The following MPPED1 variants were observed in gnomAD, a reference collection of about 807,000 sequenced individuals.
MPPED1 encodes the protein metallophosphoesterase domain-containing protein 1.
A neutral mutation model predicts 36.2 loss-of-function variants in MPPED1; 16 were observed. That is an observed-to-expected ratio of 0.44 (90% confidence interval 0.30 to 0.67). The LOEUF (loss-of-function observed/expected upper bound fraction) is 0.67. Ranked by LOEUF, MPPED1 falls within the 30% of genes least tolerant of loss-of-function variation. The pLI, the probability that MPPED1 is intolerant of heterozygous loss-of-function variation, is 0.10. For missense variants in MPPED1, 307 were observed against 453.4 expected, an observed-to-expected ratio of 0.68 and a Z score of 2.93; for synonymous variants, 199 against 191.3, an observed-to-expected ratio of 1.04 and a Z score of -0.33.
In MPPED1 at chr22:43,427,415, C is replaced by G. The variant is rs6003196; in HGVS notation, c.224+2206C>G. Among the ~76,000 whole-genome samples the G allele has an allele frequency of 5.9e-3, 892 of 152,010 alleles. 10 individuals carry two copies. The highest frequency in any genetic ancestry group is 0.021 in the African/African-American group (861 of 41,452). Reference sequence around the variant, plus strand: ...TGGGCCAGCAGAAGGGGCGGCAGGTCGGAGCCTGCAGGTGGCTAGAAGACA... The same window carrying G: ...TGGGCCAGCAGAAGGGGCGGCAGGTGGGAGCCTGCAGGTGGCTAGAAGACA... On this transcript the variant is annotated intron_variant, in intron 2 of 6. Coordinates refer to ENST00000443721, the MANE Select transcript of MPPED1 (RefSeq NM_001044370.2).
intron 1 of MPPED1, chr22:43,418,371 G>C (rs532430545): frequency 5.8e-6 from 2 of 346,820 alleles, no homozygotes; most frequent in African/African-American, 2.2e-5. Flanking sequence ...TCCTCTGGTA[G>C]TGCAATCCTC....
intron 2 of MPPED1, among the ~76,000 whole-genome samples, chr22:43,433,631 G>T (rs949459479): frequency 6.6e-6 from 1 of 152,222 alleles, no homozygotes; most frequent in Admixed American, 6.5e-5. Context: ...GCGGCATCGT[G>T]GTGGGGAGAG....
At chr22:43,443,679 C>G (rs1048254356) in intron 3 of MPPED1, among the ~76,000 whole-genome samples, 2 of 151,766 alleles carry the variant, frequency 1.3e-5, no homozygotes, top group Admixed American at 1.3e-4. Flanking sequence ...AAAAAAAAGT[C>G]CAACCAACTT....
chr22:43,433,067 G>A (rs1013861265), intron 2 of MPPED1, among the ~76,000 whole-genome samples: 3 of 151,736 alleles, frequency 2.0e-5, no homozygotes, highest in African/African-American at 4.8e-5. Flanking sequence ...GCTGTGTGTG[G>A]GGGGGCGGCA....
intron 6 of MPPED1, among the ~76,000 whole-genome samples, chr22:43,503,172 A>G (rs1213555726): frequency 1.3e-5 from 2 of 152,184 alleles, no homozygotes; most frequent in Non-Finnish European, 2.9e-5. Flanking sequence ...AGGGCCTGGC[A>G]TACAATAGGT....
intron 2 of MPPED1, among the ~76,000 whole-genome samples, chr22:43,431,511 T>C (rs1368307961): frequency 1.3e-5 from 2 of 152,132 alleles, no homozygotes; most frequent in Non-Finnish European, 2.9e-5. Context: ...GTCCATAGGT[T>C]GATTGAATGA....
chr22:43,427,969 G>A (rs1169233088), intron 2 of MPPED1, among the ~76,000 whole-genome samples: 11 of 152,166 alleles, frequency 7.2e-5, no homozygotes, highest in Admixed American at 7.2e-4. Flanking sequence ...GTAATGCTGG[G>A]GATGAAATAG....
chr22:43,444,466 A>G lies in MPPED1; in HGVS notation c.406+9251A>G, dbSNP rs1412365507. Among the ~76,000 whole-genome samples the G allele has an allele frequency of 1.0e-4, 15 of 150,166 alleles. No homozygotes were observed. In the Admixed American group the frequency reaches 1.0e-3, roughly 10 times the overall value. ...ACTGCAACCTCCCCCTCCCGGGTTC[A>G]AATGATTCTCCTGCCTCAGCCTCCC... On this transcript the variant is annotated intron_variant, in intron 3 of 6. Transcript: ENST00000443721.
At chr22:43,473,792 C>T (rs975918813) in intron 3 of MPPED1, among the ~76,000 whole-genome samples, 1 of 152,138 alleles carries the variant, frequency 6.6e-6, no homozygotes, top group African/African-American at 2.4e-5. Context: ...TGGGTGAGGC[C>T]TGCCGGGCAG....
At chr22:43,487,581 G>C (rs1348471041) in intron 4 of MPPED1, among the ~76,000 whole-genome samples, 1 of 152,186 alleles carries the variant, frequency 6.6e-6, no homozygotes, top group East Asian at 1.9e-4. Context: ...AGGGGTGCAG[G>C]CCTCTTCCCC....
chr22:43,422,082 C>T (rs1338788383), intron 1 of MPPED1, among the ~76,000 whole-genome samples: 2 of 152,140 alleles, frequency 1.3e-5, no homozygotes, highest in Admixed American at 6.5e-5. Flanking sequence ...TTCCTGGGAC[C>T]CTGAAATGAA....
intron 4 of MPPED1, among the ~76,000 whole-genome samples, chr22:43,494,810 C>G (rs1232057210): frequency 6.6e-6 from 1 of 151,796 alleles, no homozygotes; most frequent in East Asian, 2.0e-4. Flanking sequence ...GTGTTTCTCA[C>G]AGTCTGGAAT....
Position 43,507,593 on chromosome 22 carries a change from T to A in MPPED1, c.*1977T>A, listed in dbSNP as rs562539760. On this transcript the variant is annotated 3_prime_UTR_variant, in exon 7 of 7. Coordinates refer to ENST00000443721, the MANE Select transcript of MPPED1 (RefSeq NM_001044370.2). ...CCCTTTCAGTGCCAGCTCCACTCAA[T>A]TTCTATGTGGACCAAGAACGATAAA... 3 of 152,346 alleles carry A rather than the reference T, an allele frequency of 2.0e-5. No homozygotes were observed. Among genetic ancestry groups the A allele is most frequent in the African/African-American group, 7.2e-5 (3 of 41,572 alleles). 9.4% of individuals were successfully genotyped at this position (152,346 alleles called of 1,614,324 possible).
chr22:43,462,207 A>G (rs1443065814), intron 3 of MPPED1, among the ~76,000 whole-genome samples: 1 of 152,258 alleles, frequency 6.6e-6, no homozygotes, highest in Admixed American at 6.5e-5. Context: ...GGCCCTGGAC[A>G]GAGTTGGGAA....
chr22:43,498,626 C>T (rs1305952395), intron 5 of MPPED1, among the ~76,000 whole-genome samples: 2 of 152,126 alleles, frequency 1.3e-5, no homozygotes, highest in Non-Finnish European at 2.9e-5. Flanking sequence ...GGAGCTTCGG[C>T]TTATGCCTCT....
chr22:43,474,797 G>A lies in MPPED1; in HGVS notation c.468G>A (p.Gln156=). Residue 156 remains glutamine (Q), a synonymous_variant, in exon 4 of 7, where the codon CAG becomes CAA. Coordinates refer to ENST00000443721, the MANE Select transcript of MPPED1 (RefSeq NM_001044370.2). This position sits in a 1 kb window ranked among gnomAD's most constrained non-coding sequence, Gnocchi z 5.2. ...GCAACCACGAGCTGACCTTTGACCA[G>A]GAGTTCATGGCCGACCTCATCAAGC... ...IAGNHELTFD[Q]EFMADLIKQD... 1.9e-6 allele frequency: 3 copies of A among 1,614,090 alleles called. No individual in the cohort carries two copies. The highest frequency in any genetic ancestry group is 2.5e-6 in the Non-Finnish European group (3 of 1,179,906).
At chr22:43,492,067 T>C (rs534540558) in intron 4 of MPPED1, among the ~76,000 whole-genome samples, 1 of 151,756 alleles carries the variant, frequency 6.6e-6, no homozygotes, top group South Asian at 2.1e-4. Flanking sequence ...GTGCTGGGGG[T>C]GATTATAGGG....
intron 3 of MPPED1, among the ~76,000 whole-genome samples, chr22:43,469,814 T>C (rs916361052): frequency 1.6e-4 from 25 of 152,134 alleles, no homozygotes; most frequent in African/African-American, 6.0e-4. Context: ...GATTGATTGA[T>C]AAATGCATCC....
At chr22:43,478,485 C>T (rs937831142) in intron 4 of MPPED1, among the ~76,000 whole-genome samples, 1 of 152,026 alleles carries the variant, frequency 6.6e-6, no homozygotes, top group African/African-American at 2.4e-5. Context: ...AAGGAGGGGC[C>T]TTGGGTGCTG....
Sources: gnomAD v4.1 joint callset for allele counts (sites outside exome capture counted in the v4.1 genomes callset) on GRCh38, gnomAD v4.1.1 for gene constraint, Gnocchi (gnomAD v3.1) non-coding constraint, MANE v1.5 for transcripts, NCBI Gene and HGNC (gene_info 2026-07-23, HGNC 2026-07-21) for gene names.